Variants in COL25A1 observed in about 807,000 individuals in gnomAD.
COL25A1 encodes collagen type XXV alpha 1 chain.
A neutral mutation model predicts 128.4 loss-of-function variants in COL25A1; 103 were observed. That is an observed-to-expected ratio of 0.80 (90% CI 0.68 to 0.94). The LOEUF is 0.94. Among genes scored for constraint, COL25A1 ranks in the 40% least tolerant of loss-of-function variants. The pLI, the probability that COL25A1 is intolerant of heterozygous loss-of-function variation, is 0.00. For missense variants in COL25A1, 745 were observed against 840.0 expected, an observed-to-expected ratio of 0.89 and a Z score of 1.40; for synonymous variants, 279 against 277.2, an observed-to-expected ratio of 1.01 and a Z score of -0.06.
At chr4:109,062,993 C>T (rs985677896) in intron 3 of COL25A1, among the ~76,000 whole-genome samples, 1 of 152,140 alleles carries the variant, frequency 6.6e-6, no homozygotes, top group Non-Finnish European at 1.5e-5. Flanking sequence ...GTGCCTATGC[C>T]ATCAACACTT....
intron 3 of COL25A1, among the ~76,000 whole-genome samples, chr4:109,069,562 G>A (rs1241709182): frequency 6.6e-6 from 1 of 152,014 alleles, no homozygotes; most frequent in East Asian, 1.9e-4. Flanking sequence ...AGAACATCAG[G>A]GACCATGATC....
intron 6 of COL25A1, among the ~76,000 whole-genome samples, chr4:108,980,143 T>C (rs1752828784): frequency 6.6e-6 from 1 of 152,176 alleles, no homozygotes; most frequent in Admixed American, 6.5e-5. Flanking sequence ...CTGTCATCAA[T>C]GTAACAAGGA....
At chr4:108,889,292 T>C in intron 17 of COL25A1, 36 bp from the exon 18 acceptor site, 2 of 1,610,966 alleles carry the variant, frequency 1.2e-6, no homozygotes, top group East Asian at 4.5e-5. Context: ...AAACACAGTC[T>C]TAAAAGAATT....
At chr4:108,919,221 T>TA (rs972334507) in intron 12 of COL25A1, among the ~76,000 whole-genome samples, 1 of 152,088 alleles carries the variant, frequency 6.6e-6, no homozygotes, top group African/African-American at 2.4e-5. Flanking sequence ...AATAGTCTAC[T>TA]AAAAAAACAG....
chr4:108,838,301 A>C, intron 31 of COL25A1: 1 of 679,516 alleles, frequency 1.5e-6, no homozygotes, highest in Non-Finnish European at 2.6e-6. Context: ...GTCAGGCTAG[A>C]TTTGTCTTGC....
intron 3 of COL25A1, among the ~76,000 whole-genome samples, chr4:109,288,670 C>T (rs1724128198): frequency 6.6e-6 from 1 of 152,026 alleles, no homozygotes; most frequent in South Asian, 2.1e-4. Flanking sequence ...TACCTAAATA[C>T]AGGAAGCAGT....
At chr4:109,031,676 A>C (rs1679732425) in intron 5 of COL25A1, among the ~76,000 whole-genome samples, 1 of 152,146 alleles carries the variant, frequency 6.6e-6, no homozygotes, top group Admixed American at 6.5e-5. Flanking sequence ...CATTTTGACC[A>C]AATCAAGGCA....
At chr4:108,915,546 T>C (rs1377202752) in intron 13 of COL25A1, among the ~76,000 whole-genome samples, 1 of 152,140 alleles carries the variant, frequency 6.6e-6, no homozygotes, top group African/African-American at 2.4e-5. Context: ...TTTTCAAACA[T>C]AAGAAAATAA....
At chr4:109,031,620 C>A (rs558795237) in intron 5 of COL25A1, among the ~76,000 whole-genome samples, 1 of 152,218 alleles carries the variant, frequency 6.6e-6, no homozygotes, top group South Asian at 2.1e-4. Flanking sequence ...ATGTACTGCC[C>A]ACATTTTAAA....
chr4:108,852,843 G>C (rs1481871618), intron 25 of COL25A1, 59 bp downstream of exon 25: 2 of 1,383,854 alleles, frequency 1.4e-6, no homozygotes, highest in African/African-American at 2.9e-5. Flanking sequence ...ATTTTGGCTG[G>C]CATGCATCAA....
intron 3 of COL25A1, among the ~76,000 whole-genome samples, chr4:109,083,841 T>C (rs765129995): frequency 6.6e-6 from 1 of 152,100 alleles, no homozygotes. Flanking sequence ...AAGAAAGATA[T>C]AAAGTAAGAG....
At position 109,138,678 on chromosome 4, in the gene COL25A1, TTTTTTG is replaced by T. The variant is rs776260448; in HGVS notation, c.368-88505_368-88500del. Among the ~76,000 whole-genome samples, 281 of 152,086 alleles carry T rather than the reference TTTTTTG, an allele frequency of 1.8e-3. 6 individuals are homozygous for T. The Middle Eastern group carries it at 0.02, about 11-fold the overall frequency. On this transcript the variant is annotated intron_variant, in intron 3 of 37. Coordinates refer to ENST00000399132, the MANE Select transcript of COL25A1 (RefSeq NM_198721.4). ...TTCCTGACTTTTTTGGTTGTTGTTG[TTTTTTG>T]TTTTTGTTTTTGTTTTTTGTTTTTT...
intron 3 of COL25A1, among the ~76,000 whole-genome samples, chr4:109,150,428 A>G (rs1412679340): frequency 6.6e-6 from 1 of 152,154 alleles, no homozygotes; most frequent in East Asian, 1.9e-4. Flanking sequence ...GAAAATGGGA[A>G]TTTATACATT....
At chr4:109,138,519 G>A (rs1192565023) in intron 3 of COL25A1, among the ~76,000 whole-genome samples, 1 of 152,154 alleles carries the variant, frequency 6.6e-6, no homozygotes, top group African/African-American at 2.4e-5. Flanking sequence ...GGGTTGCTGA[G>A]TCAAATGGTA....
intron 6 of COL25A1, among the ~76,000 whole-genome samples, chr4:108,974,945 T>C (rs1752286784): frequency 1.3e-5 from 2 of 152,224 alleles, no homozygotes; most frequent in Non-Finnish European, 2.9e-5. Flanking sequence ...ACAATATAGA[T>C]TAGCTTGTCT....
intron 37 of COL25A1, among the ~76,000 whole-genome samples, chr4:108,816,745 T>A (rs1277465314): frequency 6.6e-6 from 1 of 152,110 alleles, no homozygotes; most frequent in African/African-American, 2.4e-5. Flanking sequence ...CTTTATGGAG[T>A]CATTGTGTGG....
intron 30 of COL25A1, among the ~76,000 whole-genome samples, chr4:108,843,099 T>C (rs922003553): frequency 6.2e-5 from 8 of 129,522 alleles, no homozygotes; most frequent in African/African-American, 2.4e-4. Context: ...CAGTGAGCCA[T>C]GATCGTGCCA....
At chr4:108,853,063 G>T in intron 24 of COL25A1, 138 bp from the exon 25 acceptor site, 1 of 671,040 alleles carries the variant, frequency 1.5e-6, no homozygotes, top group Non-Finnish European at 2.6e-6. Context: ...AAGATACTGA[G>T]AACATATTAC....
intron 3 of COL25A1, among the ~76,000 whole-genome samples, chr4:109,098,163 C>T (rs1765562913): frequency 6.6e-6 from 1 of 152,150 alleles, no homozygotes; most frequent in Non-Finnish European, 1.5e-5. Context: ...ATATCATCTA[C>T]TTTCTCAGTT....
Sources: gnomAD v4.1 joint callset for allele counts (sites outside exome capture counted in the v4.1 genomes callset) on GRCh38, gnomAD v4.1.1 for gene constraint, MANE v1.5 for transcripts, NCBI Gene and HGNC (gene_info 2026-07-23, HGNC 2026-07-21) for gene names.